The following TMPRSS11E variants were observed in gnomAD, a reference collection of about 807,000 sequenced individuals.
The protein encoded by TMPRSS11E is transmembrane protease serine 11E.
In TMPRSS11E, 38 loss-of-function variants were observed where a neutral mutation model predicts 48.1. The ratio of observed to expected loss-of-function variants is 0.79; its 90% CI spans 0.61 to 1.04. The LOEUF is 1.04. TMPRSS11E is among the 50% of genes least tolerant of loss of function. The pLI, the probability that TMPRSS11E is intolerant of heterozygous loss-of-function variation, is 0.00. For synonymous variants in TMPRSS11E, 158 were observed against 171.9 expected (o/e 0.92, Z 0.63); for missense variants, 530 against 510.8 (o/e 1.04, Z -0.36).
chr4:68,475,963 G>A (rs1249401145), intron 6 of TMPRSS11E, among the ~76,000 whole-genome samples: 1 of 152,136 alleles, frequency 6.6e-6, no homozygotes, highest in Non-Finnish European at 1.5e-5. Flanking sequence ...CACACAGAGT[G>A]TATTTGTTAC....
At position 68,496,825 on chromosome 4, in the gene TMPRSS11E, C is replaced by G. The variant is rs767558904; in HGVS notation, c.*21C>G. 1 of 1,581,074 alleles carries G rather than the reference C, an allele frequency of 6.3e-7. No homozygotes were observed. The highest frequency in any genetic ancestry group is 2.3e-5 in the East Asian group (1 of 44,340). On this transcript the variant is annotated 3_prime_UTR_variant, in exon 10 of 10. Coordinates refer to ENST00000305363, the MANE Select transcript of TMPRSS11E (RefSeq NM_014058.4). ...TCTAAGAGAGAAAAGCCTCATGGAA[C>G]AGATAACATTTTTTTTTGTTTTTTG...
At chr4:68,492,038 G>A (rs888623552) in intron 9 of TMPRSS11E, among the ~76,000 whole-genome samples, 6 of 152,104 alleles carry the variant, frequency 3.9e-5, no homozygotes, top group Non-Finnish European at 7.4e-5. Context: ...AAATGCCCAA[G>A]TTTAGACTCA....
intron 1 of TMPRSS11E, among the ~76,000 whole-genome samples, chr4:68,452,944 G>A (rs548745071): frequency 3.9e-5 from 6 of 152,012 alleles, no homozygotes; most frequent in East Asian, 1.9e-4. Context: ...GGATGGGTCC[G>A]AAGATGAACG....
chr4:68,461,353 C>T (rs1578134161), intron 1 of TMPRSS11E, among the ~76,000 whole-genome samples: 1 of 152,186 alleles, frequency 6.6e-6, no homozygotes, highest in Non-Finnish European at 1.5e-5. Context: ...ATGCTTCAAG[C>T]TGTAACACAC....
chr4:68,496,532 C>T (rs942388236), intron 9 of TMPRSS11E, 111 bp from the exon 10 acceptor site: 32 of 1,098,768 alleles, frequency 2.9e-5, no homozygotes, highest in African/African-American at 2.4e-4. Flanking sequence ...TGCGAACACA[C>T]GGAATACTTT....
intron 4 of TMPRSS11E, among the ~76,000 whole-genome samples, chr4:68,470,134 G>A (rs1422425673): frequency 2.0e-5 from 3 of 151,764 alleles, no homozygotes; most frequent in East Asian, 1.9e-4. Flanking sequence ...GAGGGAAATG[G>A]AACTGAGCAG....
At chr4:68,473,577 T>C (rs1413084662) in intron 5 of TMPRSS11E, among the ~76,000 whole-genome samples, 2 of 152,134 alleles carry the variant, frequency 1.3e-5, no homozygotes, top group African/African-American at 4.8e-5. Flanking sequence ...CATTATCCTA[T>C]TGAACTTCAT....
chr4:68,474,864 C>T, intron 6 of TMPRSS11E, 103 bp downstream of exon 6: 2 of 919,260 alleles, frequency 2.2e-6, no homozygotes, highest in Non-Finnish European at 3.3e-6. Context: ...GGACAGAACA[C>T]ATAAAGTTTG....
chr4:68,477,739 G>A, intron 8 of TMPRSS11E, 111 bp downstream of exon 8: 1 of 1,319,516 alleles, frequency 7.6e-7, no homozygotes, highest in Non-Finnish European at 1.1e-6. Flanking sequence ...ATATGACCTG[G>A]ACCAAGTCAG....
intron 2 of TMPRSS11E, among the ~76,000 whole-genome samples, chr4:68,466,359 A>C (rs1009205888): frequency 6.0e-4 from 92 of 152,326 alleles, no homozygotes; most frequent in Admixed American, 2.0e-4. Context: ...ACACATGAAT[A>C]ATCAGCCCAC....
At chr4:68,461,408 A>C (rs1459068765) in intron 1 of TMPRSS11E, among the ~76,000 whole-genome samples, 1 of 152,198 alleles carries the variant, frequency 6.6e-6, no homozygotes, top group Non-Finnish European at 1.5e-5. Flanking sequence ...AAAAGGCTTA[A>C]AATATTTTTG....
chr4:68,496,844 T>G lies in TMPRSS11E; in HGVS notation c.*40T>G, dbSNP rs778914506. On this transcript the variant is annotated 3_prime_UTR_variant, in exon 10 of 10. Coordinates refer to ENST00000305363, the MANE Select transcript of TMPRSS11E (RefSeq NM_014058.4). ...ATGGAACAGATAACATTTTTTTTTG[T>G]TTTTTGGGTGTGGAGGCCATTTTTA... The G allele has an allele frequency of 6.4e-7, 1 of 1,563,922 alleles. No homozygotes were observed. Among genetic ancestry groups the G allele is most frequent in the Non-Finnish European group, 8.6e-7 (1 of 1,158,514 alleles).
intron 1 of TMPRSS11E, among the ~76,000 whole-genome samples, chr4:68,457,676 G>A (rs999695597): frequency 2.0e-5 from 3 of 151,788 alleles, no homozygotes; most frequent in African/African-American, 2.4e-5. Flanking sequence ...TCTGTTATAC[G>A]TATCTCATTT....
intron 9 of TMPRSS11E, among the ~76,000 whole-genome samples, chr4:68,489,547 G>A (rs185655314): frequency 6.6e-6 from 1 of 152,332 alleles, no homozygotes; most frequent in Admixed American, 6.5e-5. Flanking sequence ...GTCAGTGGCT[G>A]GAGGCTGCAG....
intron 8 of TMPRSS11E, 61 bp from the exon 9 acceptor site, chr4:68,478,788 T>C: frequency 6.3e-7 from 1 of 1,575,226 alleles, no homozygotes; most frequent in Admixed American, 1.7e-5. Flanking sequence ...CATGAAACAT[T>C]TTCTTCAAGT....
At chr4:68,457,018 C>T (rs1207129525) in intron 1 of TMPRSS11E, among the ~76,000 whole-genome samples, 9 of 152,080 alleles carry the variant, frequency 5.9e-5, no homozygotes, top group Admixed American at 5.9e-4. Flanking sequence ...GACTAAAACA[C>T]CAAAAGCAAT....
At chr4:68,458,124 T>G (rs1250325312) in intron 1 of TMPRSS11E, among the ~76,000 whole-genome samples, 5 of 152,156 alleles carry the variant, frequency 3.3e-5, no homozygotes, top group Admixed American at 3.3e-4. Flanking sequence ...GTGGTATTGC[T>G]GTGAAGAGGC....
At chr4:68,451,505 G>A (rs977823722) in intron 1 of TMPRSS11E, among the ~76,000 whole-genome samples, 8 of 151,766 alleles carry the variant, frequency 5.3e-5, no homozygotes, top group African/African-American at 1.7e-4. Flanking sequence ...TAATCTTAGG[G>A]GGATCCAAAG....
intron 9 of TMPRSS11E, among the ~76,000 whole-genome samples, chr4:68,485,415 G>A (rs1729525484): frequency 6.6e-6 from 1 of 152,092 alleles, no homozygotes; most frequent in African/African-American, 2.4e-5. Context: ...CCAAAGTGCT[G>A]GGATTACAGG....
Sources: allele counts gnomAD v4.1 joint callset (sites outside exome capture counted in the v4.1 genomes callset), GRCh38; gene constraint gnomAD v4.1.1; transcripts MANE v1.5; gene names NCBI Gene and HGNC (gene_info 2026-07-23, HGNC 2026-07-21).